Variants in PCDHGA1 observed in about 807,000 individuals in gnomAD.
PCDHGA1 encodes the protein protocadherin gamma subfamily A, 1, also known as protocadherin gamma-A1.
In PCDHGA1, 32 loss-of-function variants were observed where a neutral mutation model predicts 58.0. The observed-to-expected ratio is 0.55, with a 90% CI of 0.42 to 0.74. The LOEUF (loss-of-function observed/expected upper bound fraction) is 0.74, where lower values mean the gene tolerates loss of function less well. PCDHGA1 is among the 30% of genes least tolerant of loss of function. The pLI, the probability that PCDHGA1 is intolerant of heterozygous loss-of-function variation, is 0.00. For missense variants in PCDHGA1, 1,205 were observed against 1,182.3 expected, an observed-to-expected ratio of 1.02 and a Z score of -0.28; for synonymous variants, 498 against 501.1, an observed-to-expected ratio of 0.99 and a Z score of 0.08.
At chr5:141,393,367 G>A (rs1302436646) in intron 1 of PCDHGA1, 2 of 1,613,962 alleles carry the variant, frequency 1.2e-6, no homozygotes, top group East Asian at 2.2e-5. Flanking sequence ...GTGCAGACTG[G>A]AGACAATGGA....
chr5:141,424,116 T>G, intron 1 of PCDHGA1: 1 of 667,648 alleles, frequency 1.5e-6, no homozygotes, highest in Non-Finnish European at 1.9e-6. Context: ...GTTCAAATTT[T>G]GATCCTGTTG....
intron 1 of PCDHGA1, chr5:141,385,603 T>C: frequency 1.7e-6 from 2 of 1,190,158 alleles, no homozygotes; most frequent in South Asian, 5.3e-5. Flanking sequence ...CTTTCTTAAC[T>C]CATATATTTT....
At position 141,364,425 on chromosome 5, in the gene PCDHGA1, G is replaced by T; in HGVS notation, c.2421+31320G>T. 6.2e-7 allele frequency: 1 copy of T among 1,613,642 alleles called. No homozygotes were observed. Among genetic ancestry groups the T allele is most frequent in the Non-Finnish European group, 8.5e-7 (1 of 1,179,688 alleles). Reference sequence around the variant, plus strand: ...TGCGAGCCAGGATCCGGGCAGATCCGCTACTCGATGCCGGAGGAGCTGGAC... The same window carrying T: ...TGCGAGCCAGGATCCGGGCAGATCCTCTACTCGATGCCGGAGGAGCTGGAC... On this transcript the variant is annotated intron_variant, in intron 1 of 3. Coordinates refer to ENST00000517417, the MANE Select transcript of PCDHGA1 (RefSeq NM_018912.3).
intron 1 of PCDHGA1, chr5:141,383,890 G>T: frequency 1.2e-6 from 2 of 1,613,936 alleles, no homozygotes; most frequent in East Asian, 2.2e-5. Context: ...TCTGACAAAG[G>T]CAAAAGTACT....
intron 1 of PCDHGA1, chr5:141,344,049 A>G: frequency 6.4e-7 from 1 of 1,557,958 alleles, no homozygotes; most frequent in African/African-American, 1.4e-5. Flanking sequence ...CAATTGCCTG[A>G]GTTTCCGAAA....
At chr5:141,377,587 C>A (rs1272601199) in intron 1 of PCDHGA1, 2 of 147,530 alleles carry the variant, frequency 1.4e-5, no homozygotes, top group African/African-American at 5.1e-5. Flanking sequence ...CAGAATGAGA[C>A]TTTTTCTCTC....
chr5:141,424,353 T>C (rs923306479), intron 1 of PCDHGA1: 1 of 152,246 alleles, frequency 6.6e-6, no homozygotes, highest in African/African-American at 2.4e-5. Flanking sequence ...GGAGATAAAA[T>C]TTAGATCACA....
intron 1 of PCDHGA1, chr5:141,379,377 T>C (rs1263965751): frequency 1.3e-5 from 2 of 152,208 alleles, no homozygotes; most frequent in Non-Finnish European, 2.9e-5. Flanking sequence ...TTTGATAAAA[T>C]AACAATTTTA....
At chr5:141,394,532 T>A (rs1259695027) in intron 1 of PCDHGA1, 3 of 1,614,070 alleles carry the variant, frequency 1.9e-6, no homozygotes, top group African/African-American at 2.7e-5. Flanking sequence ...ACGGTTCCAC[T>A]GGCGTGGAGC....
At chr5:141,409,325 G>A (rs2095255437) in intron 1 of PCDHGA1, 1 of 1,613,984 alleles carries the variant, frequency 6.2e-7, no homozygotes, top group Non-Finnish European at 8.5e-7. Context: ...ACGGGATCTG[G>A]ATTTCGGAGG....
chr5:141,384,924 G>A (rs1467129756), intron 1 of PCDHGA1: 2 of 1,613,840 alleles, frequency 1.2e-6, no homozygotes, highest in African/African-American at 2.7e-5. Flanking sequence ...TGGCCGACCT[G>A]GGCAGCCTTG....
At chr5:141,418,641 T>C in intron 1 of PCDHGA1, 3 of 1,614,028 alleles carry the variant, frequency 1.9e-6, no homozygotes, top group Non-Finnish European at 2.5e-6. Flanking sequence ...GGCACCTCCA[T>C]CCTGAGAGTG....
intron 1 of PCDHGA1, chr5:141,441,971 G>T: frequency 3.3e-6 from 1 of 298,820 alleles, no homozygotes; most frequent in Non-Finnish European, 6.5e-6. Context: ...AGGCTCTTCA[G>T]CCTGGAATGC....
intron 1 of PCDHGA1, chr5:141,371,107 A>AC (rs1370451724): frequency 5.0e-6 from 8 of 1,613,532 alleles, no homozygotes; most frequent in East Asian, 2.2e-5. Flanking sequence ...GCAAATGATA[A>AC]CCCCCCAGTA....
In PCDHGA1 at chr5:141,490,682, C is replaced by T. The variant is rs1286126848; in HGVS notation, c.2422-4125C>T. On this transcript the variant is annotated intron_variant, in intron 1 of 3. Coordinates refer to ENST00000517417, the MANE Select transcript of PCDHGA1 (RefSeq NM_018912.3). The surrounding 1 kb of genome is among the most constrained non-coding windows in gnomAD (Gnocchi z 5.4). ...CTTTGCACTGTGGCTGCCTCAGATC[C>T]AGACACTGGGGATAATGCCCGCCTC... 10 of 1,614,054 alleles carry T rather than the reference C, an allele frequency of 6.2e-6. No homozygotes were observed. The highest frequency in any genetic ancestry group is 3.3e-5 in the Admixed American group (2 of 60,008).
At chr5:141,393,348 T>A in intron 1 of PCDHGA1, 1 of 1,613,848 alleles carries the variant, frequency 6.2e-7, no homozygotes, top group Non-Finnish European at 8.5e-7. Flanking sequence ...TCACCACTTC[T>A]CCCTGGACGT....
intron 1 of PCDHGA1, chr5:141,414,643 C>G (rs765652709): frequency 1.2e-6 from 2 of 1,613,942 alleles, no homozygotes; most frequent in Non-Finnish European, 8.5e-7. Flanking sequence ...AGAGAATGCC[C>G]AGATTATTTA....
chr5:141,374,534 C>T (rs868822562), intron 1 of PCDHGA1: 2 of 1,613,096 alleles, frequency 1.2e-6, no homozygotes, highest in Non-Finnish European at 1.7e-6. Flanking sequence ...TCCATCCTCT[C>T]GTTTTCCACT....
chr5:141,401,283 G>A (rs751622626), intron 1 of PCDHGA1, among the ~76,000 whole-genome samples: 2 of 152,044 alleles, frequency 1.3e-5, no homozygotes, highest in Non-Finnish European at 2.9e-5. Flanking sequence ...TGGAGGTTGC[G>A]GTGAGCCGAG....
Sources: allele counts gnomAD v4.1 joint callset (sites outside exome capture counted in the v4.1 genomes callset), GRCh38; gene constraint gnomAD v4.1.1; non-coding constraint Gnocchi (gnomAD v3.1); transcripts MANE v1.5; gene names NCBI Gene and HGNC (gene_info 2026-07-23, HGNC 2026-07-21).